Variants in NAGLU observed in about 807,000 individuals in gnomAD.
NAGLU encodes alpha-N-acetylglucosaminidase.
In NAGLU, 34 loss-of-function variants were observed where a neutral mutation model predicts 43.4. The observed-to-expected ratio is 0.78, with a 90% confidence interval of 0.60 to 1.04. The LOEUF (loss-of-function observed/expected upper bound fraction) is 1.04, where lower values mean the gene tolerates loss of function less well. Ranked by LOEUF, NAGLU falls within the 50% of genes least tolerant of loss-of-function variation. The probability of loss-of-function intolerance (pLI) is 0.00; values close to 1 mark genes in which losing one functional copy is unlikely to be tolerated. For missense variants in NAGLU, 910 were observed against 993.7 expected (o/e 0.92, Z 1.13); for synonymous variants, 425 against 437.6 (o/e 0.97, Z 0.36).
In NAGLU at chr17:42,540,932, G is replaced by A; in HGVS notation, c.765-18G>A. 3.1e-6 allele frequency: 5 copies of A among 1,614,146 alleles called. No individual in the cohort carries two copies. Among genetic ancestry groups the A allele is most frequent in the Non-Finnish European group, 4.2e-6 (5 of 1,180,038 alleles). On this transcript the variant is annotated intron_variant, in intron 4 of 5. Transcript: ENST00000225927. ...ATGGCGGCTTCCATGAAATATCTGA[G>A]CTTTTGCTCCCCACTAGGGTGTTCC...
At position 42,538,334 on chromosome 17, in the gene NAGLU, C is replaced by G; in HGVS notation, c.532-5C>G. The G allele has an allele frequency of 6.2e-7, 1 of 1,614,236 alleles. No homozygotes were observed. The highest frequency in any genetic ancestry group is 8.5e-7 in the Non-Finnish European group (1 of 1,180,038). ...TATTTCTATGTGTGGGCCCTTCTTC[C>G]TCAGGTGTACCTGGCCTTGGGCCTG... On this transcript the variant is annotated splice_region_variant and splice_polypyrimidine_tract_variant and intron_variant, in intron 2 of 5. Transcript: ENST00000225927.
chr17:42,544,181 C>T lies in NAGLU; in HGVS notation c.2175C>T (p.Asp725=). 4 of 1,613,270 alleles carry T rather than the reference C, an allele frequency of 2.5e-6. No homozygotes were observed. Among genetic ancestry groups the T allele is most frequent in the Non-Finnish European group, 3.4e-6 (4 of 1,180,022 alleles). ...GCCAGCCGCGAGGAGACACTGTGGA[C>T]CTGGCCAAGAAGATCTTCCTCAAAT... ...YPSQPRGDTV[D]LAKKIFLKYY... The change falls in exon 6 of 6, where the codon GAC becomes GAT. Residue 725 remains aspartate (D), a synonymous_variant. Coordinates refer to ENST00000225927, the MANE Select transcript of NAGLU (RefSeq NM_000263.4).
At position 42,544,186 on chromosome 17, in the gene NAGLU, C is replaced by A; in HGVS notation, c.2180C>A (p.Ala727Asp). Residue 727 changes from alanine to aspartate, a missense_variant, in exon 6 of 6, where the codon GCC becomes GAC. Physicochemically the swap from Ala to Asp is moderately radical, Grantham distance 126. Coordinates refer to ENST00000225927, the MANE Select transcript of NAGLU (RefSeq NM_000263.4). ...SQPRGDTVDL[A>D]KKIFLKYYPR... ...CCGCGAGGAGACACTGTGGACCTGG[C>A]CAAGAAGATCTTCCTCAAATATTAC... The A allele has an allele frequency of 6.2e-7, 1 of 1,612,942 alleles. No individual in the cohort carries two copies. The highest frequency in any genetic ancestry group is 8.5e-7 in the Non-Finnish European group (1 of 1,180,012).
rs115401566 is a variant in NAGLU, at chr17:42,544,049, G to A, written c.2043G>A (p.Ala681=). The stretch of plus-strand genomic sequence containing the variant: ...CTCGCTGGCGGCTTTTCCTGGAGGC[G>A]CTGGTTGACAGTGTGGCCCAGGGCA... The part of the protein sequence containing the change: ...YTPRWRLFLE[A]LVDSVAQGIP... The change falls in exon 6 of 6, where the codon GCG becomes GCA. Residue 681 remains alanine, a synonymous_variant. Coordinates refer to ENST00000225927, the MANE Select transcript of NAGLU (RefSeq NM_000263.4). 2.9e-4 allele frequency: 470 copies of A among 1,613,078 alleles called. No homozygotes were observed. Among genetic ancestry groups the A allele is most frequent in the Non-Finnish European group, 3.7e-4 (442 of 1,179,674 alleles).
At chr17:42,537,860 T>TA (rs908141983) in intron 2 of NAGLU, among the ~76,000 whole-genome samples, 3,728 of 108,968 alleles carry the variant, frequency 0.034, 113 homozygotes, top group African/African-American at 0.09. Flanking sequence ...AGACTCTGTC[T>TA]AAAAAAAAAA....
At chr17:42,537,576 C>T (rs754612639) in intron 2 of NAGLU, 31 bp downstream of exon 2, 1 of 1,611,670 alleles carries the variant, frequency 6.2e-7, no homozygotes, top group Admixed American at 1.7e-5. Flanking sequence ...CCCCACCCTC[C>T]TCTATGGCGG....
chr17:42,539,687 T>A (rs1342805402), intron 4 of NAGLU, among the ~76,000 whole-genome samples: 1 of 152,222 alleles, frequency 6.6e-6, no homozygotes, highest in African/African-American at 2.4e-5. Context: ...CCCAAGGGCT[T>A]ACCCCTGATA....
At chr17:42,540,113 C>CAAA (rs571274275) in intron 4 of NAGLU, among the ~76,000 whole-genome samples, 1 of 52,198 alleles carries the variant, frequency 1.9e-5, no homozygotes, top group African/African-American at 6.3e-5. Flanking sequence ...GACTCCGTCT[C>CAAA]AAAAAAAAAA....
rs1270564492 is a variant in NAGLU at position 42,538,363 on chromosome 17, C to T, written c.556C>T (p.Gln186Ter). 2 of 1,614,152 alleles carry T rather than the reference C, an allele frequency of 1.2e-6. No homozygotes were observed. The highest frequency in any genetic ancestry group is 1.7e-6 in the Non-Finnish European group (2 of 1,180,052). Residue 186 changes from glutamine (Q) to a stop codon, truncating the protein, a stop_gained, in exon 3 of 6, where the codon CAG becomes TAG. Transcript: ENST00000225927. LOFTEE classifies it high-confidence loss of function. ...QRVYLALGLT[Q>*]AEINEFFTGP... ...GGTGTACCTGGCCTTGGGCCTGACCCAGGCAGAGATCAATGAGTTCTTTAC... is the reference window on the plus strand; with the variant it reads ...GGTGTACCTGGCCTTGGGCCTGACCTAGGCAGAGATCAATGAGTTCTTTAC...
Position 42,543,451 on chromosome 17 carries a change from G to T in NAGLU, c.1445G>T (p.Arg482Leu). The change falls in exon 6 of 6, where the codon CGG (arginine) becomes CTG (leucine). Residue 482 changes from arginine (R) to leucine (L), a missense_variant. Transcript: ENST00000225927. Reference protein sequence around the residue: ...AAWVTSFAARRYGVSHPDAGA... With the variant: ...AAWVTSFAARLYGVSHPDAGA... The stretch of plus-strand genomic sequence containing the variant: ...TGGGTGACCAGCTTTGCCGCCCGGC[G>T]GTATGGGGTCTCCCACCCGGACGCA... 1.3e-6 allele frequency: 2 copies of T among 1,598,848 alleles called. No homozygotes were observed. Among genetic ancestry groups the T allele is most frequent in the South Asian group, 1.1e-5 (1 of 89,582 alleles).
chr17:42,537,386 C>G lies in NAGLU; in HGVS notation c.384-12C>G, dbSNP rs570427849. ...GGGTGGGATGCGCCCCTGCTCATGA[C>G]ACTGCCCGCAGGTACCGCTATTACC... On this transcript the variant is annotated splice_polypyrimidine_tract_variant and intron_variant, in intron 1 of 5. Coordinates refer to ENST00000225927, the MANE Select transcript of NAGLU (RefSeq NM_000263.4). The G allele has an allele frequency of 6.2e-7, 1 of 1,614,098 alleles. No individual in the cohort carries two copies. The highest frequency in any genetic ancestry group is 1.7e-5 in the Admixed American group (1 of 60,034).
chr17:42,537,438 T>G lies in NAGLU; in HGVS notation c.424T>G (p.Phe142Val), dbSNP rs1231108059. ...GAATGTGTGCACGCAAAGCTACTCT[T>G]TCGTGTGGTGGGACTGGGCCCGCTG... ...YQNVCTQSYS[F>V]VWWDWARWER... is the part of the protein sequence containing the mutation. The change falls in exon 2 of 6, where the codon TTC becomes GTC. Residue 142 changes from phenylalanine to valine, a missense_variant. Transcript: ENST00000225927. 1 of 1,614,202 alleles carries G rather than the reference T, an allele frequency of 6.2e-7. No individual in the cohort carries two copies. Among genetic ancestry groups the G allele is most frequent in the Non-Finnish European group, 8.5e-7 (1 of 1,179,998 alleles).
intron 1 of NAGLU, 49 bp from the exon 2 acceptor site, chr17:42,537,349 G>A (rs759765112): frequency 6.2e-6 from 10 of 1,612,676 alleles, no homozygotes; most frequent in Admixed American, 5.0e-5. Context: ...TTCCAGGGCC[G>A]TGGACCCTCC....
Position 42,543,349 on chromosome 17 carries a change from T to C in NAGLU, c.1343T>C (p.Ile448Thr). 6.2e-7 allele frequency: 1 copy of C among 1,613,168 alleles called. No homozygotes were observed. The highest frequency in any genetic ancestry group is 8.5e-7 in the Non-Finnish European group (1 of 1,179,894). Residue 448 changes from isoleucine to threonine, a missense_variant, in exon 6 of 6, where the codon ATC becomes ACC. By Grantham distance (89) the Ile-to-Thr change is moderately conservative (BLOSUM62 -1). Coordinates refer to ENST00000225927, the MANE Select transcript of NAGLU (RefSeq NM_000263.4). ...GGCACGGGCATGGCCCCCGAGGGCA[T>C]CAGCCAGAACGAAGTGGTCTATTCC... Reference protein sequence around the residue: ...MVGTGMAPEGISQNEVVYSLM... With the variant: ...MVGTGMAPEGTSQNEVVYSLM...
rs532591927 is a variant in NAGLU at position 42,542,849 on chromosome 17, G to A, written c.1022-179G>A. 7.2e-5 allele frequency among the ~76,000 whole-genome samples: 11 copies of A among 152,372 alleles called. No individual in the cohort carries two copies. The South Asian group carries it at 2.1e-3, about 29-fold the overall frequency. ...GGTAACTCTCATGTTCACCCAAGCTGCTGAACCCTGTCCTGGAGTTTTCAG... is the reference window on the plus strand; with the variant it reads ...GGTAACTCTCATGTTCACCCAAGCTACTGAACCCTGTCCTGGAGTTTTCAG... On this transcript the variant is annotated intron_variant, in intron 5 of 5. Transcript: ENST00000225927.
At chr17:42,537,651 T>C (rs2092910449) in intron 2 of NAGLU, 106 bp downstream of exon 2, 2 of 1,468,206 alleles carry the variant, frequency 1.4e-6, no homozygotes. Flanking sequence ...TAGAAGTGCT[T>C]TCAGCGTGCA....
chr17:42,541,003 G>A lies in NAGLU; in HGVS notation c.818G>A (p.Cys273Tyr). The A allele has an allele frequency of 1.2e-6, 2 of 1,614,190 alleles. No individual in the cohort carries two copies. The highest frequency in any genetic ancestry group is 1.7e-6 in the Non-Finnish European group (2 of 1,180,036). ...TKMGSWGHFNCSYSCSFLLAP... is the reference protein window; with the variant it reads ...TKMGSWGHFNYSYSCSFLLAP... Reference sequence around the variant, plus strand: ...ATGGGCAGTTGGGGCCACTTTAACTGTTCCTACTCCTGCTCCTTCCTTCTG... The same window carrying A: ...ATGGGCAGTTGGGGCCACTTTAACTATTCCTACTCCTGCTCCTTCCTTCTG... The change falls in exon 5 of 6, where the codon TGT becomes TAT. Residue 273 changes from cysteine (C) to tyrosine (Y), a missense_variant. Coordinates refer to ENST00000225927, the MANE Select transcript of NAGLU (RefSeq NM_000263.4).
At chr17:42,540,449 C>G (rs2092918524) in intron 4 of NAGLU, among the ~76,000 whole-genome samples, 1 of 150,812 alleles carries the variant, frequency 6.6e-6, no homozygotes, top group African/African-American at 2.4e-5. Context: ...GTAATCCCAG[C>G]ACTTTGGGAG....
At position 42,537,494 on chromosome 17, in the gene NAGLU, T is replaced by C. The variant is rs768647156; in HGVS notation, c.480T>C (p.Asn160=). The change falls in exon 2 of 6, where the codon AAT becomes AAC. Residue 160 remains asparagine, a synonymous_variant. Transcript: ENST00000225927. ...WEREIDWMAL[N]GINLALAWSG... is the part of the protein sequence containing the mutation. The stretch of plus-strand genomic sequence containing the variant: ...GAGAGATAGACTGGATGGCGCTGAA[T>C]GGCATCAACCTGGCACTGGCCTGGA... 1 of 1,614,212 alleles carries C rather than the reference T, an allele frequency of 6.2e-7. No homozygotes were observed. The highest frequency in any genetic ancestry group is 1.3e-5 in the African/African-American group (1 of 75,072).
Sources: allele counts gnomAD v4.1 joint callset (sites outside exome capture counted in the v4.1 genomes callset), GRCh38; gene constraint gnomAD v4.1.1; transcripts MANE v1.5; gene names NCBI Gene and HGNC (gene_info 2026-07-23, HGNC 2026-07-21).